TMEM128: variants seen among roughly 807,000 people sequenced by gnomAD.
The protein encoded by TMEM128 is transmembrane protein 128.
TMEM128 carries 16 observed loss-of-function variants against 19.7 expected under a neutral mutation model. The ratio of observed to expected loss-of-function variants is 0.81; its 90% confidence interval spans 0.55 to 1.23. The LOEUF (loss-of-function observed/expected upper bound fraction) is 1.23, where lower values mean the gene tolerates loss of function less well. Among genes scored for constraint, TMEM128 ranks in the 50% most tolerant of loss-of-function variants. TMEM128 has a pLI of 0.00. For missense variants in TMEM128, 237 were observed against 200.8 expected, an observed-to-expected ratio of 1.18 and a Z score of -1.09; for synonymous variants, 98 against 75.8, an observed-to-expected ratio of 1.29 and a Z score of -1.52.
At chr4:4,237,778 C>T in intron 4 of TMEM128, 49 bp downstream of exon 4, 4 of 1,225,330 alleles carry the variant, frequency 3.3e-6, no homozygotes, top group Admixed American at 1.9e-5. Context: ...TCATAAAAGA[C>T]ATTTTTCAAA....
chr4:4,243,943 A>G (rs1718063605), intron 2 of TMEM128, among the ~76,000 whole-genome samples: 1 of 152,232 alleles, frequency 6.6e-6, no homozygotes, highest in African/African-American at 2.4e-5. Flanking sequence ...AAAAGGTCTC[A>G]GTCCTGAGGC....
chr4:4,241,858 G>C (rs1717971029), intron 2 of TMEM128, among the ~76,000 whole-genome samples: 1 of 152,302 alleles, frequency 6.6e-6, no homozygotes, highest in East Asian at 1.9e-4. Context: ...CCTCACAGCT[G>C]ACTCTCAATC....
At chr4:4,242,518 AAAAAATT>A (rs1718002397) in intron 2 of TMEM128, among the ~76,000 whole-genome samples, 1 of 137,272 alleles carries the variant, frequency 7.3e-6, no homozygotes, top group Non-Finnish European at 1.7e-5. Context: ...TATGAGAAAA[AAAAAATT>A]TTTTTTTTTT....
intron 1 of TMEM128, chr4:4,247,551 AATTCTTCCATATTCT>A (rs1328767822): frequency 6.2e-7 from 1 of 1,613,654 alleles, no homozygotes; most frequent in Non-Finnish European, 8.5e-7. Context: ...ATTTCTACTG[AATTCTTCCATATTCT>A]ATGCATTCAC....
chr4:4,238,616 T>A (rs867900211), intron 3 of TMEM128, among the ~76,000 whole-genome samples: 1 of 152,178 alleles, frequency 6.6e-6, no homozygotes, highest in Non-Finnish European at 1.5e-5. Context: ...AAACAACGTA[T>A]CTGCATGCCC....
chr4:4,246,735 G>A (rs1403255894), intron 1 of TMEM128, among the ~76,000 whole-genome samples: 1 of 150,776 alleles, frequency 6.6e-6, no homozygotes, highest in African/African-American at 2.4e-5. Context: ...GGTCTTCCAA[G>A]AACACTTTTA....
intron 2 of TMEM128, among the ~76,000 whole-genome samples, chr4:4,243,374 G>A (rs974111112): frequency 1.3e-5 from 2 of 152,150 alleles, no homozygotes; most frequent in Admixed American, 6.5e-5. Context: ...GAGCCACCGC[G>A]CCTGGCCTGT....
intron 1 of TMEM128, chr4:4,247,594 A>C: frequency 6.2e-7 from 1 of 1,614,208 alleles, no homozygotes; most frequent in Non-Finnish European, 8.5e-7. Flanking sequence ...CATACATCAC[A>C]AGTTACCTGT....
intron 4 of TMEM128, among the ~76,000 whole-genome samples, chr4:4,237,450 G>A (rs1293973346): frequency 6.6e-6 from 1 of 152,160 alleles, no homozygotes; most frequent in Non-Finnish European, 1.5e-5. Flanking sequence ...GCCAGCCTGG[G>A]CAACATAAGG....
intron 3 of TMEM128, among the ~76,000 whole-genome samples, chr4:4,238,264 GA>G (rs1717805683): frequency 6.6e-6 from 1 of 152,142 alleles, no homozygotes; most frequent in Non-Finnish European, 1.5e-5. Context: ...CCATTTTTAT[GA>G]CATCACACAC....
chr4:4,243,089 A>C (rs1159332088), intron 2 of TMEM128, among the ~76,000 whole-genome samples: 3 of 151,514 alleles, frequency 2.0e-5, no homozygotes, highest in African/African-American at 7.3e-5. Context: ...TTACTTATTT[A>C]ATTTTTTTAA....
At chr4:4,244,806 G>A (rs1436899815) in intron 2 of TMEM128, among the ~76,000 whole-genome samples, 1 of 152,184 alleles carries the variant, frequency 6.6e-6, no homozygotes, top group Non-Finnish European at 1.5e-5. Context: ...AAGGTGCTGA[G>A]CTACCTTTGT....
Position 4,235,834 on chromosome 4 carries a change from A to G in TMEM128, c.*432T>C, listed in dbSNP as rs1213125986. 6.5e-6 allele frequency: 1 copy of G among 152,692 alleles called. No individual in the cohort carries two copies. The highest frequency in any genetic ancestry group is 1.5e-5 in the Non-Finnish European group (1 of 68,052). 9.5% of individuals were successfully genotyped at this position (152,692 alleles called of 1,614,324 possible). ...TGCTATCCCTTAAATGGAAGAGTGAACTACTTGTTTAAAATATTAACAGTG... is the reference window on the plus strand; with the variant it reads ...TGCTATCCCTTAAATGGAAGAGTGAGCTACTTGTTTAAAATATTAACAGTG... On this transcript the variant is annotated 3_prime_UTR_variant, in exon 5 of 5. Coordinates refer to ENST00000382753, the MANE Select transcript of TMEM128 (RefSeq NM_001297551.2).
At chr4:4,240,570 T>G in intron 2 of TMEM128, 91 bp from the exon 3 acceptor site, 1 of 1,392,864 alleles carries the variant, frequency 7.2e-7, no homozygotes, top group Non-Finnish European at 9.7e-7. Context: ...AAAATCTGCT[T>G]CTAAGAATAT....
intron 2 of TMEM128, among the ~76,000 whole-genome samples, chr4:4,244,139 C>G (rs1020045906): frequency 1.3e-5 from 2 of 152,270 alleles, no homozygotes; most frequent in African/African-American, 2.4e-5. Context: ...CATAAAGTAT[C>G]TGATGAAGGA....
chr4:4,240,604 C>A, intron 2 of TMEM128, 125 bp from the exon 3 acceptor site: 1 of 1,038,770 alleles, frequency 9.6e-7, no homozygotes, highest in Non-Finnish European at 1.4e-6. Flanking sequence ...GGGAGCCATA[C>A]TTAAACAATC....
In TMEM128 at chr4:4,240,992, G is replaced by A. The variant is rs934903614; in HGVS notation, c.240-513C>T. 4.6e-5 allele frequency among the ~76,000 whole-genome samples: 7 copies of A among 152,208 alleles called. No individual in the cohort carries two copies. The South Asian group carries it at 6.2e-4, about 13-fold the overall frequency. ...CTTGGGAGGATGAGGCAGGAGAATCGCCTGAACCCAGGAGGCAGAGATTGC... is the reference window on the plus strand; with the variant it reads ...CTTGGGAGGATGAGGCAGGAGAATCACCTGAACCCAGGAGGCAGAGATTGC... On this transcript the variant is annotated intron_variant, in intron 2 of 4. Transcript: ENST00000382753.
rs149278776 is a variant in TMEM128, at chr4:4,244,906, A to C, written c.239+1296T>G. Among the ~76,000 whole-genome samples the C allele has an allele frequency of 7.2e-3, 1,096 of 152,254 alleles. 17 individuals are homozygous for C. Among genetic ancestry groups the C allele is most frequent in the African/African-American group, 0.025 (1,032 of 41,534 alleles). Reference sequence around the variant, plus strand: ...GGGCAGAAGATGGGAGTGTTTAGGGAAAGTTTCTCCCCTAGAAAGTAGAGG... The same window carrying C: ...GGGCAGAAGATGGGAGTGTTTAGGGCAAGTTTCTCCCCTAGAAAGTAGAGG... On this transcript the variant is annotated intron_variant, in intron 2 of 4. Transcript: ENST00000382753.
At chr4:4,238,245 G>A (rs554805521) in intron 3 of TMEM128, among the ~76,000 whole-genome samples, 1 of 152,188 alleles carries the variant, frequency 6.6e-6, no homozygotes, top group East Asian at 1.9e-4. Context: ...TAATTTAAAT[G>A]GCTACAGCCC....
Sources: allele counts gnomAD v4.1 joint callset (sites outside exome capture counted in the v4.1 genomes callset), GRCh38; gene constraint gnomAD v4.1.1; transcripts MANE v1.5; gene names NCBI Gene and HGNC (gene_info 2026-07-23, HGNC 2026-07-21).